Variants in CCDC73 observed in about 807,000 individuals in gnomAD.
CCDC73 encodes coiled-coil domain containing 73, also known as coiled-coil domain-containing protein 73.
In CCDC73, 95 loss-of-function variants were observed where a neutral mutation model predicts 116.5. That is an observed-to-expected ratio of 0.82 (90% CI 0.69 to 0.97). CCDC73 has a LOEUF of 0.97. Ranked by LOEUF, CCDC73 falls within the 50% of genes least tolerant of loss-of-function variation. The pLI is 0.00. For synonymous variants in CCDC73, 398 were observed against 401.3 expected, an observed-to-expected ratio of 0.99 and a Z score of 0.10; for missense variants, 1,066 against 1,206.8, an observed-to-expected ratio of 0.88 and a Z score of 1.73.
chr11:32,647,406 C>T (rs890461799), intron 12 of CCDC73, among the ~76,000 whole-genome samples: 3 of 152,206 alleles, frequency 2.0e-5, no homozygotes, highest in Non-Finnish European at 4.4e-5. Flanking sequence ...GTGACGCACA[C>T]ACCTCCCACC....
intron 2 of CCDC73, among the ~76,000 whole-genome samples, chr11:32,747,120 T>A (rs1253468862): frequency 1.3e-5 from 2 of 152,180 alleles, no homozygotes; most frequent in Non-Finnish European, 2.9e-5. Context: ...GGTGTGAACG[T>A]CCTTTTTGTT....
intron 2 of CCDC73, among the ~76,000 whole-genome samples, chr11:32,731,010 A>G (rs946418565): frequency 6.6e-6 from 1 of 152,176 alleles, no homozygotes; most frequent in African/African-American, 2.4e-5. Flanking sequence ...GGTTTGGGGA[A>G]TTCCCCTTCC....
intron 9 of CCDC73, among the ~76,000 whole-genome samples, chr11:32,657,422 T>C (rs1855883762): frequency 6.6e-6 from 1 of 152,198 alleles, no homozygotes; most frequent in East Asian, 1.9e-4. Flanking sequence ...AATTAGTATA[T>C]ATCGAAGGAA....
At chr11:32,741,843 G>C (rs1850190094) in intron 2 of CCDC73, among the ~76,000 whole-genome samples, 1 of 151,886 alleles carries the variant, frequency 6.6e-6, no homozygotes, top group African/African-American at 2.4e-5. Context: ...TGTGTGTGAT[G>C]TTCCTCTCCC....
At chr11:32,709,164 G>A (rs1345706531) in intron 3 of CCDC73, among the ~76,000 whole-genome samples, 4 of 152,176 alleles carry the variant, frequency 2.6e-5, no homozygotes, top group South Asian at 2.1e-4. Flanking sequence ...AGATGATCAC[G>A]TGATTTTTCT....
intron 14 of CCDC73, among the ~76,000 whole-genome samples, chr11:32,634,883 A>G (rs897342994): frequency 6.6e-6 from 1 of 152,222 alleles, no homozygotes; most frequent in African/African-American, 2.4e-5. Flanking sequence ...GCTACTCAGA[A>G]GCCTGAAGTG....
rs199580738 is a variant in CCDC73 at position 32,691,273 on chromosome 11, T to C, written c.391-7699A>G. ...GTTGGTCAGGCTGGTCTCGAACTCCTGACCTCTGGTGATCTGCCTGCCTCA... is the reference window on the plus strand; with the variant it reads ...GTTGGTCAGGCTGGTCTCGAACTCCCGACCTCTGGTGATCTGCCTGCCTCA... On this transcript the variant is annotated intron_variant, in intron 6 of 17. Coordinates refer to ENST00000335185, the MANE Select transcript of CCDC73 (RefSeq NM_001008391.4). Among the ~76,000 whole-genome samples, 7 of 152,250 alleles carry C rather than the reference T, an allele frequency of 4.6e-5. No individual in the cohort carries two copies. In the East Asian group the frequency reaches 1.4e-3, roughly 29 times the overall value.
intron 1 of CCDC73, among the ~76,000 whole-genome samples, chr11:32,764,616 C>G (rs1042434646): frequency 3.3e-5 from 5 of 152,138 alleles, no homozygotes; most frequent in African/African-American, 1.2e-4. Context: ...GAACGAAGCA[C>G]TAAACATGGA....
chr11:32,678,897 A>AT (rs1335441618), intron 7 of CCDC73, among the ~76,000 whole-genome samples: 2,371 of 145,150 alleles, frequency 0.016, 19 homozygotes, highest in Non-Finnish European at 0.023. Flanking sequence ...AAAAAAAAAA[A>AT]ATATATATAT....
At chr11:32,689,454 G>A (rs1856234328) in intron 6 of CCDC73, among the ~76,000 whole-genome samples, 2 of 152,176 alleles carry the variant, frequency 1.3e-5, no homozygotes, top group Admixed American at 1.3e-4. Flanking sequence ...GGTAGCCACT[G>A]CAAACAGGAA....
chr11:32,716,192 T>A (rs775904361), intron 3 of CCDC73, among the ~76,000 whole-genome samples: 2 of 152,160 alleles, frequency 1.3e-5, no homozygotes, highest in Non-Finnish European at 2.9e-5. Context: ...TAACAACATA[T>A]GAAAGTTCTT....
intron 14 of CCDC73, among the ~76,000 whole-genome samples, chr11:32,632,626 G>A (rs1029444761): frequency 3.3e-5 from 5 of 152,078 alleles, no homozygotes; most frequent in African/African-American, 1.2e-4. Flanking sequence ...GTGTATGTGT[G>A]TATAATTGTT....
intron 12 of CCDC73, among the ~76,000 whole-genome samples, chr11:32,644,507 T>C (rs1045765190): frequency 6.6e-6 from 1 of 152,204 alleles, no homozygotes; most frequent in African/African-American, 2.4e-5. Flanking sequence ...AAATTTACCA[T>C]TTTAACCATT....
intron 17 of CCDC73, among the ~76,000 whole-genome samples, chr11:32,608,323 CAAG>C (rs1228622945): frequency 1.3e-5 from 2 of 152,104 alleles, no homozygotes; most frequent in Non-Finnish European, 2.9e-5. Flanking sequence ...TTCCTAGATA[CAAG>C]GAGGGGTGGG....
At chr11:32,682,928 C>T (rs1856161076) in intron 7 of CCDC73, 1 of 155,066 alleles carries the variant, frequency 6.4e-6, no homozygotes, top group African/African-American at 2.4e-5. Context: ...CTACTTCATA[C>T]ATTTCAATTT....
intron 14 of CCDC73, among the ~76,000 whole-genome samples, chr11:32,625,482 C>T (rs1042095569): frequency 1.3e-5 from 2 of 152,144 alleles, no homozygotes; most frequent in African/African-American, 4.8e-5. Flanking sequence ...CTGGTGGTGA[C>T]AAAATCTCTT....
At chr11:32,618,358 T>C (rs1040431701) in intron 14 of CCDC73, among the ~76,000 whole-genome samples, 2 of 152,180 alleles carry the variant, frequency 1.3e-5, no homozygotes, top group Non-Finnish European at 2.9e-5. Flanking sequence ...ATGTGTCTTT[T>C]TGGTAGAGCG....
chr11:32,607,037 C>T (rs1221294047), intron 17 of CCDC73, among the ~76,000 whole-genome samples: 1 of 145,212 alleles, frequency 6.9e-6, no homozygotes, highest in South Asian at 2.2e-4. Context: ...GGCCAAAGTG[C>T]TGGGATTACA....
At chr11:32,653,287 C>G (rs971869736) in intron 11 of CCDC73, 60 bp from the exon 12 acceptor site, 9 of 1,021,734 alleles carry the variant, frequency 8.8e-6, no homozygotes, top group Admixed American at 2.1e-5. Flanking sequence ...TTTCTAAAAT[C>G]ATTCTTCACA....
Sources: allele counts gnomAD v4.1 joint callset (sites outside exome capture counted in the v4.1 genomes callset), GRCh38; gene constraint gnomAD v4.1.1; transcripts MANE v1.5; gene names NCBI Gene and HGNC (gene_info 2026-07-23, HGNC 2026-07-21).